KPNA5: variants seen among roughly 807,000 people sequenced by gnomAD.
KPNA5 encodes the protein importin subunit alpha-6.
A neutral mutation model predicts 71.3 loss-of-function variants in KPNA5; 46 were observed. That is an observed-to-expected ratio of 0.65 (90% confidence interval 0.51 to 0.83). KPNA5 has a LOEUF of 0.83. Ranked by LOEUF, KPNA5 falls within the 40% of genes least tolerant of loss-of-function variation. The probability of loss-of-function intolerance (pLI) is 0.00; values close to 1 mark genes in which losing one functional copy is unlikely to be tolerated. For synonymous variants in KPNA5, 207 were observed against 201.4 expected (o/e 1.03, Z -0.24); for missense variants, 547 against 628.3 (o/e 0.87, Z 1.38).
intron 7 of KPNA5, among the ~76,000 whole-genome samples, chr6:116,709,811 C>T (rs1447677977): frequency 6.6e-6 from 1 of 151,236 alleles, no homozygotes; most frequent in Admixed American, 6.6e-5. Context: ...TGTCGCCAGG[C>T]TTGAGTACAG....
intron 7 of KPNA5, among the ~76,000 whole-genome samples, chr6:116,711,095 T>C (rs1181663972): frequency 6.6e-6 from 1 of 151,348 alleles, no homozygotes; most frequent in African/African-American, 2.4e-5. Context: ...GGTTTCACCA[T>C]GTTGGCCAGG....
chr6:116,731,083 A>T (rs1469330996), intron 13 of KPNA5, among the ~76,000 whole-genome samples: 1 of 151,986 alleles, frequency 6.6e-6, no homozygotes, highest in Non-Finnish European at 1.5e-5. Flanking sequence ...TAATTTTTTT[A>T]TTTGCCAAGT....
chr6:116,698,535 A>C (rs1365642408), intron 4 of KPNA5, among the ~76,000 whole-genome samples, 169 bp from the exon 5 acceptor site: 3 of 152,064 alleles, frequency 2.0e-5, no homozygotes, highest in African/African-American at 7.2e-5. Context: ...TACAAAAAAC[A>C]TTGTAATCTG....
At chr6:116,705,777 C>T (rs1274023074) in intron 7 of KPNA5, among the ~76,000 whole-genome samples, 4 of 152,022 alleles carry the variant, frequency 2.6e-5, no homozygotes, top group Non-Finnish European at 5.9e-5. Context: ...AAATACTAAT[C>T]GAGGAGATGG....
At chr6:116,718,739 A>G (rs1351139105) in intron 8 of KPNA5, among the ~76,000 whole-genome samples, 1 of 151,530 alleles carries the variant, frequency 6.6e-6, no homozygotes, top group East Asian at 1.9e-4. Flanking sequence ...TTTGTTTTTT[A>G]ATCATTCACT....
At chr6:116,696,936 A>ATG (rs200079098) in intron 4 of KPNA5, among the ~76,000 whole-genome samples, 4 of 151,692 alleles carry the variant, frequency 2.6e-5, no homozygotes, top group South Asian at 2.1e-4. Flanking sequence ...TTGGGTTCTT[A>ATG]TGTGTGTGTG....
Position 116,722,309 on chromosome 6 carries a change from G to A in KPNA5, c.920+20G>A, listed in dbSNP as rs139248779. 3.2e-3 allele frequency: 5,099 copies of A among 1,569,362 alleles called. 117 individuals are homozygous for A. The Admixed American group carries it at 0.033, about 10-fold the overall frequency. On this transcript the variant is annotated intron_variant, in intron 9 of 13. Coordinates refer to ENST00000368564, the MANE Select transcript of KPNA5 (RefSeq NM_001366306.2). ...TTTGATGTAACTATAAATAATTTAT[G>A]CTTAATAATTGTATGATTGAGATTA...
intron 1 of KPNA5, among the ~76,000 whole-genome samples, chr6:116,682,227 G>A (rs1338504279): frequency 6.6e-6 from 1 of 152,216 alleles, no homozygotes; most frequent in Non-Finnish European, 1.5e-5. Context: ...GACTCGGGAG[G>A]CTGAAGCAGG....
At chr6:116,726,653 C>T (rs1198329114) in intron 12 of KPNA5, 31 bp downstream of exon 12, 11 of 1,489,896 alleles carry the variant, frequency 7.4e-6, no homozygotes, top group African/African-American at 1.4e-5. Context: ...TTGTTTTTTA[C>T]ATGTAAATGA....
rs1159151216 is a variant in KPNA5 at position 116,738,641 on chromosome 6, G to C, written c.*6318G>C. On this transcript the variant is annotated 3_prime_UTR_variant, in exon 14 of 14. Coordinates refer to ENST00000368564, the MANE Select transcript of KPNA5 (RefSeq NM_001366306.2). Reference sequence around the variant, plus strand: ...ACCGAATCCAGCAGCACATCAAAAAGCTTATCCACCATGATCAAGTGGGCT... The same window carrying C: ...ACCGAATCCAGCAGCACATCAAAAACCTTATCCACCATGATCAAGTGGGCT... The C allele has an allele frequency of 4.0e-5, 6 of 151,216 alleles. No homozygotes were observed. The highest frequency in any genetic ancestry group is 7.4e-5 in the Non-Finnish European group (5 of 67,630). 9.4% of individuals were successfully genotyped at this position (151,216 alleles called of 1,614,324 possible). A position where few individuals can be genotyped will look rare whatever the true frequency, so the allele number is the denominator to read the frequency against.
At chr6:116,705,303 A>G in intron 7 of KPNA5, 143 bp downstream of exon 7, 1 of 579,646 alleles carries the variant, frequency 1.7e-6, no homozygotes, top group Non-Finnish European at 2.9e-6. Flanking sequence ...AGGTAGAACC[A>G]AGAGAAATTT....
In KPNA5 at chr6:116,732,269, A is replaced by T. The variant is rs192935885; in HGVS notation, c.1566A>T (p.Gln522His). The T allele has an allele frequency of 4.1e-4, 642 of 1,554,728 alleles. 15 individuals are homozygous for T. The East Asian group carries it at 0.01, about 25-fold the overall frequency. The change falls in exon 14 of 14, where the codon CAA (glutamine) becomes CAT (histidine). Residue 522 changes from glutamine (Q) to histidine (H), a missense_variant. Coordinates refer to ENST00000368564, the MANE Select transcript of KPNA5 (RefSeq NM_001366306.2). The stretch of plus-strand genomic sequence containing the variant: ...TTGTACCTCAGGTGGATGAAAACCA[A>T]CAACAGTTTATATTTCAGCAGCAGG... ...PSIVPQVDEN[Q>H]QQFIFQQQEA... is the part of the protein sequence containing the mutation.
intron 8 of KPNA5, among the ~76,000 whole-genome samples, chr6:116,719,644 C>T (rs537423415): frequency 4.0e-5 from 6 of 151,866 alleles, no homozygotes; most frequent in South Asian, 4.2e-4. Flanking sequence ...CCCAGGGGTT[C>T]GAGGCCAGCC....
intron 6 of KPNA5, among the ~76,000 whole-genome samples, chr6:116,702,890 C>T (rs1294545839): frequency 1.3e-5 from 2 of 152,124 alleles, no homozygotes; most frequent in East Asian, 3.8e-4. Context: ...AATTTAATTA[C>T]ATATAATTGT....
At chr6:116,698,657 T>A in intron 4 of KPNA5, 47 bp from the exon 5 acceptor site, 9 of 1,152,344 alleles carry the variant, frequency 7.8e-6, no homozygotes, top group Non-Finnish European at 1.0e-5. Context: ...ACTAGATTGT[T>A]TTCTTTTTGT....
At position 116,733,429 on chromosome 6, in the gene KPNA5, A is replaced by C. The variant is rs566199451; in HGVS notation, c.*1106A>C. On this transcript the variant is annotated 3_prime_UTR_variant, in exon 14 of 14. Transcript: ENST00000368564. Reference sequence around the variant, plus strand: ...TTCTTTAATATGGTTCAAATCTATAAGACTTTTTTCTTTTAGTAATACTCA... The same window carrying C: ...TTCTTTAATATGGTTCAAATCTATACGACTTTTTTCTTTTAGTAATACTCA... 151 of 151,764 alleles carry C rather than the reference A, an allele frequency of 9.9e-4. 1 individual carries two copies. Among genetic ancestry groups the C allele is most frequent in the African/African-American group, 3.4e-3 (143 of 41,508 alleles). The allele number at this position is 151,764 out of a possible 1,614,324, so 9.4% of individuals were successfully genotyped here.
chr6:116,732,077 TATATATATATATATA>T (rs1562458651), intron 13 of KPNA5, 44 bp from the exon 14 acceptor site: 3,930 of 144,688 alleles, frequency 0.027, 456 homozygotes, highest in East Asian at 0.051. Flanking sequence ...AGTTTGTTTA[TATATATATATATATA>T]TATATATATA....
intron 8 of KPNA5, among the ~76,000 whole-genome samples, chr6:116,718,356 G>A (rs1313737312): frequency 3.3e-5 from 5 of 149,772 alleles, no homozygotes; most frequent in African/African-American, 7.4e-5. Flanking sequence ...TCCGCCTCCC[G>A]GGTTCAAGCT....
chr6:116,718,964 A>G (rs1157609973), intron 8 of KPNA5, among the ~76,000 whole-genome samples: 2 of 151,978 alleles, frequency 1.3e-5, no homozygotes, highest in Admixed American at 1.3e-4. Flanking sequence ...ACGGAGTTTC[A>G]CCATGTTGGC....
Sources: allele counts gnomAD v4.1 joint callset (sites outside exome capture counted in the v4.1 genomes callset), GRCh38; gene constraint gnomAD v4.1.1; transcripts MANE v1.5; gene names NCBI Gene and HGNC (gene_info 2026-07-23, HGNC 2026-07-21).